The following SC5D variants were observed in gnomAD, a reference collection of about 807,000 sequenced individuals.
The protein encoded by SC5D is sterol-C5-desaturase, also known as lathosterol oxidase.
In SC5D, 21 loss-of-function variants were observed where a neutral mutation model predicts 23.9. The ratio of observed to expected loss-of-function variants is 0.88; its 90% CI spans 0.62 to 1.26. The LOEUF (loss-of-function observed/expected upper bound fraction) is 1.26, where lower values mean the gene tolerates loss of function less well. Ranked by LOEUF, SC5D falls within the 50% of genes most tolerant of loss-of-function variation. The pLI is 0.00. For missense variants in SC5D, 309 were observed against 364.8 expected, an observed-to-expected ratio of 0.85 and a Z score of 1.25; for synonymous variants, 113 against 125.9, an observed-to-expected ratio of 0.90 and a Z score of 0.68.
chr11:121,297,366 T>G (rs1356069731), intron 1 of SC5D, among the ~76,000 whole-genome samples: 1 of 152,240 alleles, frequency 6.6e-6, no homozygotes, highest in African/African-American at 2.4e-5. Flanking sequence ...ATAATTCAGT[T>G]GAACTCACAG....
Position 121,303,601 on chromosome 11 carries a change from AC to A in SC5D, c.210+18del. 2.6e-6 allele frequency: 4 copies of A among 1,556,274 alleles called. No homozygotes were observed. The highest frequency in any genetic ancestry group is 3.5e-6 in the Non-Finnish European group (4 of 1,128,254). ...ATTTTTAAAGGTAAGAAATGTTTTTACCTATTTTCTAACGATTAAAGTAAAA... is the reference window on the plus strand; with the variant it reads ...ATTTTTAAAGGTAAGAAATGTTTTTACTATTTTCTAACGATTAAAGTAAAA... On this transcript the variant is annotated intron_variant, in intron 2 of 4. Coordinates refer to ENST00000264027, the MANE Select transcript of SC5D (RefSeq NM_006918.5).
chr11:121,303,072 A>C (rs1326178872), intron 1 of SC5D, among the ~76,000 whole-genome samples: 3 of 152,184 alleles, frequency 2.0e-5, no homozygotes, highest in Non-Finnish European at 4.4e-5. Context: ...AATGACACTG[A>C]AATGGAATTC....
chr11:121,308,156 G>T lies in SC5D; in HGVS notation c.*644G>T, dbSNP rs1947981839. On this transcript the variant is annotated 3_prime_UTR_variant, in exon 5 of 5. Transcript: ENST00000264027. ...ACACTATCACCTATTACATTTTACT[G>T]ATTAACAAATAAATTGGAATTTAAA... The T allele has an allele frequency of 6.6e-6, 1 of 152,124 alleles. No individual in the cohort carries two copies. The highest frequency in any genetic ancestry group is 6.5e-5 in the Admixed American group (1 of 15,282). 9.4% of individuals were successfully genotyped at this position (152,124 alleles called of 1,614,324 possible). A position where few individuals can be genotyped will look rare whatever the true frequency, so the allele number is the denominator to read the frequency against.
At position 121,303,425 on chromosome 11, in the gene SC5D, T is replaced by A. The variant is rs755120774; in HGVS notation, c.50T>A (p.Val17Glu). ...GATTACTATTTTTTTACACCATACG[T>A]GTATCCAGCCACATGGCCAGAAGAT... is the stretch of plus-strand genomic sequence containing the variant. ...VADYYFFTPYVYPATWPEDDI... is the reference protein window; with the variant it reads ...VADYYFFTPYEYPATWPEDDI... Residue 17 changes from valine (V) to glutamate (E), a missense_variant, in exon 2 of 5, where the codon GTG (valine) becomes GAG (glutamate). Physicochemically the swap from Val to Glu is moderately radical, Grantham distance 121. Transcript: ENST00000264027. 2 of 1,614,042 alleles carry A rather than the reference T, an allele frequency of 1.2e-6. No individual in the cohort carries two copies. Among genetic ancestry groups the A allele is most frequent in the Non-Finnish European group, 1.7e-6 (2 of 1,179,980 alleles).
At chr11:121,302,698 G>A (rs1446994199) in intron 1 of SC5D, among the ~76,000 whole-genome samples, 1 of 152,170 alleles carries the variant, frequency 6.6e-6, no homozygotes, top group Non-Finnish European at 1.5e-5. Flanking sequence ...TTTTTACAAA[G>A]CAGGCTCTGA....
Position 121,309,376 on chromosome 11 carries a change from C to T in SC5D, c.*1864C>T, listed in dbSNP as rs904021198. On this transcript the variant is annotated 3_prime_UTR_variant, in exon 5 of 5. Coordinates refer to ENST00000264027, the MANE Select transcript of SC5D (RefSeq NM_006918.5). ...CTTTGGACAGAACTCCGTCACATGG[C>T]CCACCTAGAGAGATTTTGGGAAATG... 8.5e-5 allele frequency among the ~76,000 whole-genome samples: 13 copies of T among 152,128 alleles called. No individual in the cohort carries two copies. Among genetic ancestry groups the T allele is most frequent in the African/African-American group, 3.1e-4 (13 of 41,428 alleles).
chr11:121,311,890 G>C lies in SC5D; in HGVS notation c.*4378G>C, dbSNP rs899192941. On this transcript the variant is annotated 3_prime_UTR_variant, in exon 5 of 5. Transcript: ENST00000264027. ...CATAGGCCCTCAATAGAAATCAGTTGCAGAGGGCAGAAGCCTAGATATTTT... is the reference window on the plus strand; with the variant it reads ...CATAGGCCCTCAATAGAAATCAGTTCCAGAGGGCAGAAGCCTAGATATTTT... 6.6e-6 allele frequency among the ~76,000 whole-genome samples: 1 copy of C among 152,184 alleles called. No homozygotes were observed. Among genetic ancestry groups the C allele is most frequent in the African/African-American group, 2.4e-5 (1 of 41,436 alleles).
At chr11:121,296,164 T>C (rs1158840657) in intron 1 of SC5D, among the ~76,000 whole-genome samples, 1 of 152,142 alleles carries the variant, frequency 6.6e-6, no homozygotes, top group African/African-American at 2.4e-5. Context: ...CCACTTCACC[T>C]AGCCTAGTAG....
In SC5D at chr11:121,299,316, A is replaced by G. The variant is rs12275106; in HGVS notation, c.-10-4050A>G. The stretch of plus-strand genomic sequence containing the variant: ...TCCAACCTGATAGGCCCTTCTCTTT[A>G]AGATTCTCAAGCAATCAGATGTAAT... On this transcript the variant is annotated intron_variant, in intron 1 of 4. Coordinates refer to ENST00000264027, the MANE Select transcript of SC5D (RefSeq NM_006918.5). Among the ~76,000 whole-genome samples the G allele has an allele frequency of 2.0e-5, 3 of 152,282 alleles. No individual in the cohort carries two copies. The East Asian group carries it at 5.8e-4, about 29-fold the overall frequency.
At position 121,307,350 on chromosome 11, in the gene SC5D, G is replaced by C; in HGVS notation, c.738G>C (p.Leu246Phe). ...FDYNYGQYFT[L>F]WDRIGGSFKN... ...ATAATTATGGACAATATTTCACTTT[G>C]TGGGATAGGATTGGCGGCTCATTCA... is the stretch of plus-strand genomic sequence containing the variant. Residue 246 changes from leucine (L) to phenylalanine (F), a missense_variant, in exon 5 of 5, where the codon TTG becomes TTC. Leu to Phe is a conservative substitution (Grantham distance 22). Coordinates refer to ENST00000264027, the MANE Select transcript of SC5D (RefSeq NM_006918.5). The C allele has an allele frequency of 6.2e-7, 1 of 1,614,100 alleles. No individual in the cohort carries two copies. Among genetic ancestry groups the C allele is most frequent in the Admixed American group, 1.7e-5 (1 of 60,028 alleles).
intron 1 of SC5D, among the ~76,000 whole-genome samples, chr11:121,295,202 C>G (rs1163916680): frequency 6.6e-6 from 1 of 152,200 alleles, no homozygotes; most frequent in Non-Finnish European, 1.5e-5. Flanking sequence ...CGTGACACAG[C>G]CTCAGGAAGC....
intron 1 of SC5D, among the ~76,000 whole-genome samples, chr11:121,293,592 G>A (rs1364558948): frequency 2.0e-5 from 3 of 152,228 alleles, no homozygotes; most frequent in Non-Finnish European, 4.4e-5. Context: ...TGGTGTAAGT[G>A]AAGAAAACAA....
At chr11:121,297,935 A>G (rs1947900651) in intron 1 of SC5D, among the ~76,000 whole-genome samples, 1 of 152,214 alleles carries the variant, frequency 6.6e-6, no homozygotes, top group African/African-American at 2.4e-5. Context: ...TACTTTCTAG[A>G]CAGCTCTTTT....
At chr11:121,300,346 C>G (rs951323330) in intron 1 of SC5D, among the ~76,000 whole-genome samples, 1 of 152,192 alleles carries the variant, frequency 6.6e-6, no homozygotes, top group Admixed American at 6.5e-5. Context: ...CCTTACAACA[C>G]AGTAACTATG....
chr11:121,296,614 G>C (rs984965334), intron 1 of SC5D, among the ~76,000 whole-genome samples: 6 of 152,186 alleles, frequency 3.9e-5, no homozygotes, highest in African/African-American at 1.4e-4. Flanking sequence ...CTGTATTGCA[G>C]CACGTGTCCT....
intron 1 of SC5D, among the ~76,000 whole-genome samples, chr11:121,297,902 A>G (rs531981820): frequency 1.3e-5 from 2 of 152,350 alleles, no homozygotes; most frequent in Admixed American, 6.5e-5. Flanking sequence ...ATCTAAAAGT[A>G]TGACAAGAGT....
In SC5D at chr11:121,307,536, T is replaced by G. The variant is rs1437480239; in HGVS notation, c.*24T>G. On this transcript the variant is annotated 3_prime_UTR_variant, in exon 5 of 5. Transcript: ENST00000264027. ...AGATTATTGCCCAGTTATTCTTAAGTAAGGACAAAGAAGGAAATATCATCG... is the reference window on the plus strand; with the variant it reads ...AGATTATTGCCCAGTTATTCTTAAGGAAGGACAAAGAAGGAAATATCATCG... The G allele has an allele frequency of 6.8e-7, 1 of 1,472,636 alleles. No homozygotes were observed. Among genetic ancestry groups the G allele is most frequent in the African/African-American group, 1.4e-5 (1 of 70,958 alleles). 91.2% of individuals were successfully genotyped at this position (1,472,636 alleles called of 1,614,324 possible). A position where few individuals can be genotyped will look rare whatever the true frequency, so the allele number is the denominator to read the frequency against.
intron 2 of SC5D, 62 bp from the exon 3 acceptor site, chr11:121,304,299 T>G (rs1255768242): frequency 1.3e-6 from 2 of 1,513,530 alleles, no homozygotes; most frequent in Admixed American, 1.7e-5. Context: ...CAGAACAGTT[T>G]TATGCTAGTT....
intron 3 of SC5D, chr11:121,305,941 G>A (rs1487832629): frequency 1.5e-5 from 3 of 200,882 alleles, no homozygotes; most frequent in Non-Finnish European, 3.1e-5. Context: ...AGAAATACAG[G>A]AGTGATGAGG....
Sources: allele counts gnomAD v4.1 joint callset (sites outside exome capture counted in the v4.1 genomes callset), GRCh38; gene constraint gnomAD v4.1.1; transcripts MANE v1.5; gene names NCBI Gene and HGNC (gene_info 2026-07-23, HGNC 2026-07-21).